The following MAPK10 variants were observed in gnomAD, a reference collection of about 807,000 sequenced individuals.
MAPK10 encodes the protein mitogen-activated protein kinase 10.
A neutral mutation model predicts 59.3 loss-of-function variants in MAPK10; 25 were observed. The ratio of observed to expected loss-of-function variants is 0.42; its 90% CI spans 0.31 to 0.59. The LOEUF is 0.59. Among genes scored for constraint, MAPK10 ranks in the 20% least tolerant of loss-of-function variants. MAPK10 has a pLI of 0.15. For synonymous variants in MAPK10, 190 were observed against 200.5 expected (o/e 0.95, Z 0.44); for missense variants, 351 against 568.9 (o/e 0.62, Z 3.90).
At chr4:86,092,785 A>T (rs1348769980) in intron 9 of MAPK10, among the ~76,000 whole-genome samples, 1 of 152,084 alleles carries the variant, frequency 6.6e-6, no homozygotes, top group Non-Finnish European at 1.5e-5. Flanking sequence ...CTGATACAGC[A>T]TCTGGGTCTC....
chr4:86,232,899 T>C (rs1418177224), intron 2 of MAPK10, among the ~76,000 whole-genome samples: 1 of 134,400 alleles, frequency 7.4e-6, no homozygotes, highest in South Asian at 2.2e-4. Context: ...GGCAAGAGCA[T>C]GAAGAAAGGT....
intron 1 of MAPK10, among the ~76,000 whole-genome samples, chr4:86,403,740 G>A (rs1407921171): frequency 6.6e-6 from 1 of 152,118 alleles, no homozygotes; most frequent in Non-Finnish European, 1.5e-5. Flanking sequence ...CAGATCTCGT[G>A]ATACTCACTC....
chr4:86,413,632 C>T (rs1181711966), intron 1 of MAPK10, among the ~76,000 whole-genome samples: 1 of 152,196 alleles, frequency 6.6e-6, no homozygotes, highest in Non-Finnish European at 1.5e-5. Flanking sequence ...GGCAGACACC[C>T]CTCCCCCTGT....
chr4:86,460,457 G>A (rs1163161207), intron 1 of MAPK10, among the ~76,000 whole-genome samples: 1 of 152,118 alleles, frequency 6.6e-6, no homozygotes, highest in African/African-American at 2.4e-5. Context: ...ATGTGACAGA[G>A]ATCACCCGTC....
intron 2 of MAPK10, among the ~76,000 whole-genome samples, chr4:86,346,031 T>G (rs1468415822): frequency 6.6e-6 from 1 of 152,196 alleles, no homozygotes; most frequent in Non-Finnish European, 1.5e-5. Flanking sequence ...GAAGCAGAGA[T>G]AGATGAAAAC....
At chr4:86,135,869 C>T (rs1308372358) in intron 4 of MAPK10, among the ~76,000 whole-genome samples, 3 of 151,944 alleles carry the variant, frequency 2.0e-5, no homozygotes, top group Non-Finnish European at 4.4e-5. Flanking sequence ...AACCAAGGCT[C>T]GAGAACTACA....
At chr4:86,101,516 A>C (rs2055390519) in intron 7 of MAPK10, 1 of 384,338 alleles carries the variant, frequency 2.6e-6, no homozygotes. Context: ...GGACAACATA[A>C]ATCTTTCAAC....
chr4:86,403,071 CAGA>C (rs1335264955), intron 1 of MAPK10, among the ~76,000 whole-genome samples: 1 of 151,884 alleles, frequency 6.6e-6, no homozygotes, highest in Non-Finnish European at 1.5e-5. Context: ...AATGTTGAGT[CAGA>C]AGAAGAAAGG....
intron 1 of MAPK10, among the ~76,000 whole-genome samples, chr4:86,383,350 G>A (rs978717766): frequency 5.3e-5 from 8 of 152,082 alleles, no homozygotes; most frequent in Non-Finnish European, 8.8e-5. Context: ...GGATCTGTCC[G>A]CCTGTTAAGC....
intron 1 of MAPK10, among the ~76,000 whole-genome samples, chr4:86,516,736 T>C (rs1006599521): frequency 6.6e-6 from 1 of 152,154 alleles, no homozygotes; most frequent in African/African-American, 2.4e-5. Flanking sequence ...TGTATAGCAG[T>C]ACTACTGATT....
intron 2 of MAPK10, among the ~76,000 whole-genome samples, chr4:86,207,205 T>A (rs1383192146): frequency 1.3e-5 from 2 of 151,630 alleles, no homozygotes; most frequent in African/African-American, 4.9e-5. Flanking sequence ...CTTTAATCCA[T>A]CTTGAATTAA....
intron 2 of MAPK10, among the ~76,000 whole-genome samples, chr4:86,204,223 T>C (rs903534193): frequency 1.3e-4 from 19 of 151,950 alleles, no homozygotes; most frequent in Non-Finnish European, 2.2e-4. Flanking sequence ...TTAGCCTCGA[T>C]AGAAAGGCCA....
chr4:86,178,600 T>C (rs1316244830), intron 3 of MAPK10, among the ~76,000 whole-genome samples: 1 of 151,954 alleles, frequency 6.6e-6, no homozygotes, highest in Non-Finnish European at 1.5e-5. Context: ...AGGGAAAACC[T>C]TAAAGCTTTT....
At chr4:86,588,428 T>TAA in intron 1 of MAPK10, among the ~76,000 whole-genome samples, 1 of 152,270 alleles carries the variant, frequency 6.6e-6, no homozygotes, top group African/African-American at 2.4e-5. Flanking sequence ...AACAGAAAAA[T>TAA]ATCTCCATAT....
At chr4:86,278,308 A>C (rs1393429445) in intron 2 of MAPK10, among the ~76,000 whole-genome samples, 1 of 152,194 alleles carries the variant, frequency 6.6e-6, no homozygotes, top group Non-Finnish European at 1.5e-5. Context: ...GTGTCCTAGT[A>C]CATTTTGTAT....
chr4:86,017,056 C>G lies in MAPK10; in HGVS notation c.*172G>C. ...TTTGAGCTTAGCTGCAATACAGAAC[C>G]CTGGGGAAGAAGCAGGCTGAAAGAT... On this transcript the variant is annotated 3_prime_UTR_variant, in exon 14 of 14. Transcript: ENST00000641462. The surrounding 1 kb of genome is among the most constrained non-coding windows in gnomAD (Gnocchi z 4.4). 1 of 686,696 alleles carries G rather than the reference C, an allele frequency of 1.5e-6. No individual in the cohort carries two copies. Among genetic ancestry groups the G allele is most frequent in the South Asian group, 2.0e-5 (1 of 50,034 alleles). 42.5% of individuals were successfully genotyped at this position (686,696 alleles called of 1,614,324 possible). A position where few individuals can be genotyped will look rare whatever the true frequency, so the allele number is the denominator to read the frequency against.
chr4:86,197,485 T>C (rs146727006), intron 2 of MAPK10, among the ~76,000 whole-genome samples: 14 of 152,270 alleles, frequency 9.2e-5, no homozygotes, highest in African/African-American at 2.9e-4. Context: ...TTTCTAAATG[T>C]AGAATCATGT....
chr4:86,488,229 A>G (rs1435632800), intron 1 of MAPK10, among the ~76,000 whole-genome samples: 1 of 152,198 alleles, frequency 6.6e-6, no homozygotes, highest in Non-Finnish European at 1.5e-5. Context: ...TAGCAAGCAC[A>G]ATTCAGTAAT....
At chr4:86,048,552 C>A (rs2042938994) in intron 11 of MAPK10, among the ~76,000 whole-genome samples, 1 of 152,054 alleles carries the variant, frequency 6.6e-6, no homozygotes, top group Non-Finnish European at 1.5e-5. Flanking sequence ...TTTTGCCCTA[C>A]AGTCACAAAA....
Sources: gnomAD v4.1 joint callset for allele counts (sites outside exome capture counted in the v4.1 genomes callset) on GRCh38, gnomAD v4.1.1 for gene constraint, Gnocchi (gnomAD v3.1) non-coding constraint, MANE v1.5 for transcripts, NCBI Gene and HGNC (gene_info 2026-07-23, HGNC 2026-07-21) for gene names.